TNRC6B: variants seen among roughly 807,000 people sequenced by gnomAD.
TNRC6B encodes trinucleotide repeat containing adaptor 6B.
A neutral mutation model predicts 203.6 loss-of-function variants in TNRC6B; 52 were observed. That is an observed-to-expected ratio of 0.26 (90% CI 0.20 to 0.32). The LOEUF (loss-of-function observed/expected upper bound fraction) is 0.32, where lower values mean the gene tolerates loss of function less well. TNRC6B is among the 10% of genes least tolerant of loss of function. The pLI is 1.00. For missense variants in TNRC6B, 1,923 were observed against 2,286.2 expected, an observed-to-expected ratio of 0.84 and a Z score of 3.24; for synonymous variants, 838 against 845.7, an observed-to-expected ratio of 0.99 and a Z score of 0.16.
At chr22:40,100,855 A>C (rs942099338) in intron 1 of TNRC6B, among the ~76,000 whole-genome samples, 1 of 152,238 alleles carries the variant, frequency 6.6e-6, no homozygotes, top group Non-Finnish European at 1.5e-5. Flanking sequence ...ATCAAAAGTC[A>C]GTAACACCTA....
chr22:40,217,981 A>AAAC (rs2069657315), intron 1 of TNRC6B, among the ~76,000 whole-genome samples: 2 of 151,618 alleles, frequency 1.3e-5, no homozygotes, highest in Admixed American at 1.3e-4. Flanking sequence ...TCAAAAAAAA[A>AAAC]AAAAAAAAAT....
intron 3 of TNRC6B, among the ~76,000 whole-genome samples, chr22:40,149,438 G>A (rs559412086): frequency 8.1e-4 from 123 of 152,240 alleles, no homozygotes; most frequent in African/African-American, 2.9e-3. Context: ...GGAGGCCAAG[G>A]CGGGCAAATC....
chr22:40,302,778 A>G (rs967120022), intron 15 of TNRC6B, among the ~76,000 whole-genome samples: 3 of 152,148 alleles, frequency 2.0e-5, no homozygotes, highest in African/African-American at 7.2e-5. Context: ...AAAGACTTCA[A>G]GGTGTTCTTG....
At chr22:40,293,692 T>G (rs1216618449) in intron 12 of TNRC6B, among the ~76,000 whole-genome samples, 1 of 152,064 alleles carries the variant, frequency 6.6e-6, no homozygotes, top group Non-Finnish European at 1.5e-5. Flanking sequence ...GCTTGCTCCT[T>G]GTCTGCCCTG....
chr22:40,170,041 A>T (rs1179557323), intron 4 of TNRC6B, among the ~76,000 whole-genome samples: 1 of 151,510 alleles, frequency 6.6e-6, no homozygotes, highest in Non-Finnish European at 1.5e-5. Context: ...GCACTTTGGG[A>T]GTCTGAGGCA....
intron 1 of TNRC6B, among the ~76,000 whole-genome samples, chr22:40,216,379 T>A (rs371221617): frequency 2.6e-5 from 4 of 152,340 alleles, no homozygotes; most frequent in East Asian, 1.9e-4. Flanking sequence ...CACTATTTAG[T>A]TTCATGAGTG....
chr22:40,302,725 C>T (rs1006034191), intron 15 of TNRC6B, among the ~76,000 whole-genome samples: 9 of 151,830 alleles, frequency 5.9e-5, no homozygotes, highest in Admixed American at 1.3e-4. Flanking sequence ...GCTGACTGTG[C>T]GCCAACCCCG....
rs557928725 is a variant in TNRC6B, at chr22:40,325,780, C to A, written c.*2539C>A. On this transcript the variant is annotated 3_prime_UTR_variant, in exon 23 of 23. Coordinates refer to ENST00000454349, the MANE Select transcript of TNRC6B (RefSeq NM_001162501.2). ...TCCCAAGGCTCCTGCGAGCCAGTGG[C>A]GACCCTGTCCACTGCCGCTCTTGGT... 1 of 152,696 alleles carries A rather than the reference C, an allele frequency of 6.5e-6. No homozygotes were observed. Among genetic ancestry groups the A allele is most frequent in the Non-Finnish European group, 1.5e-5 (1 of 68,092 alleles). The allele number at this position is 152,696 out of a possible 1,614,324, so 9.5% of individuals were successfully genotyped here. A position where few individuals can be genotyped will look rare whatever the true frequency, so the allele number is the denominator to read the frequency against.
chr22:40,151,810 A>G (rs758481576), intron 3 of TNRC6B, among the ~76,000 whole-genome samples: 2 of 151,854 alleles, frequency 1.3e-5, no homozygotes, highest in Non-Finnish European at 2.9e-5. Flanking sequence ...AAAGAAGAAA[A>G]TCAATCTCAG....
intron 3 of TNRC6B, among the ~76,000 whole-genome samples, chr22:40,259,676 C>T (rs1328754683): frequency 6.6e-6 from 1 of 152,214 alleles, no homozygotes; most frequent in African/African-American, 2.4e-5. Context: ...CTGCAGGCAC[C>T]TGCTCTTTTC....
At chr22:40,157,420 G>A (rs903341730) in intron 4 of TNRC6B, among the ~76,000 whole-genome samples, 1 of 151,952 alleles carries the variant, frequency 6.6e-6, no homozygotes, top group Non-Finnish European at 1.5e-5. Context: ...AAACCCTTAG[G>A]AATAAATTAT....
chr22:40,264,481 A>C (rs980801457), intron 4 of TNRC6B, among the ~76,000 whole-genome samples: 1 of 152,108 alleles, frequency 6.6e-6, no homozygotes, highest in Non-Finnish European at 1.5e-5. Flanking sequence ...GCTTTGAGAG[A>C]GATGAAGTTA....
chr22:40,200,636 A>C (rs1172033185), intron 1 of TNRC6B, among the ~76,000 whole-genome samples: 2 of 152,106 alleles, frequency 1.3e-5, no homozygotes, highest in African/African-American at 4.8e-5. Flanking sequence ...AGTACATAAA[A>C]TTAAATGTTC....
chr22:40,132,965 A>T (rs1356247510), intron 3 of TNRC6B, among the ~76,000 whole-genome samples: 3,485 of 67,078 alleles, frequency 0.052, 227 homozygotes, highest in African/African-American at 0.17. Context: ...AAAAAAAAAA[A>T]AAAAATATAT....
chr22:40,300,898 C>T lies in TNRC6B; in HGVS notation c.3841-12C>T, dbSNP rs770231460. The T allele has an allele frequency of 1.9e-6, 3 of 1,612,292 alleles. No homozygotes were observed. Among genetic ancestry groups the T allele is most frequent in the Non-Finnish European group, 2.5e-6 (3 of 1,179,212 alleles). On this transcript the variant is annotated splice_polypyrimidine_tract_variant and intron_variant, in intron 13 of 22. Transcript: ENST00000454349. ...AAACTTTGGTTTTCTGTCTTTCCCC[C>T]TTGTTTTGTAGGCATGTCAGCTTCT...
intron 1 of TNRC6B, among the ~76,000 whole-genome samples, chr22:40,199,096 C>T (rs572928749): frequency 4.6e-5 from 7 of 152,138 alleles, no homozygotes; most frequent in Admixed American, 2.0e-4. Context: ...CAGTTTGAAG[C>T]GGTTCCCACT....
intron 3 of TNRC6B, among the ~76,000 whole-genome samples, chr22:40,148,909 A>C (rs1022669833): frequency 1.3e-5 from 2 of 152,184 alleles, no homozygotes; most frequent in Admixed American, 1.3e-4. Context: ...CACAGCTCTC[A>C]GAGGGAACCA....
At chr22:40,307,012 T>C (rs1412324325) in intron 15 of TNRC6B, among the ~76,000 whole-genome samples, 1 of 151,940 alleles carries the variant, frequency 6.6e-6, no homozygotes, top group Non-Finnish European at 1.5e-5. Flanking sequence ...ATTTGAAATA[T>C]TTTCATCTCA....
chr22:40,237,546 A>G (rs1057138714), intron 1 of TNRC6B, among the ~76,000 whole-genome samples: 1 of 150,500 alleles, frequency 6.6e-6, no homozygotes, highest in Admixed American at 6.6e-5. Context: ...GGTGACTACC[A>G]AGTAAGCCAG....
Sources: allele counts gnomAD v4.1 joint callset (sites outside exome capture counted in the v4.1 genomes callset), GRCh38; gene constraint gnomAD v4.1.1; transcripts MANE v1.5; gene names NCBI Gene and HGNC (gene_info 2026-07-23, HGNC 2026-07-21).